The following DCAF12L1 variants were observed in gnomAD, a reference collection of about 807,000 sequenced individuals.
DCAF12L1 encodes the protein DDB1- and CUL4-associated factor 12-like protein 1.
For synonymous variants in DCAF12L1, 218 were observed against 196.4 expected (o/e 1.11, Z -0.92); for missense variants, 251 against 409.2 (o/e 0.61, Z 3.34).
At position 126,552,038 on chromosome X, in the gene DCAF12L1, G is replaced by A. The variant is rs1347639758; in HGVS notation, c.571C>T (p.His191Tyr). The change falls in exon 1 of 2, where the codon CAT (histidine) becomes TAT (tyrosine). Residue 191 changes from histidine (H) to tyrosine (Y), a missense_variant. Transcript: ENST00000371126. ...GCGAAGATCCAGTCCTTGTGGCCAT[G>A]GCGGTCGCCCAGGCACAGGGGATCC... is the stretch of plus-strand genomic sequence containing the variant. ...SLDPLCLGDR[H>Y]GHKDWIFAVA... 3 of 1,211,378 alleles carry A rather than the reference G, an allele frequency of 2.5e-6. No homozygotes were observed. In the African/African-American group the frequency reaches 5.2e-5, roughly 21 times the overall value.
rs1187938502 is a variant in DCAF12L1 at position 126,551,839 on chromosome X, A to C, written c.770T>G (p.Ile257Ser). ...CACCTTGCGGTTACTGGGGTTGATG[A>C]TGGCCCTGGGGATGGCCTCCACATC... ...PRDVEAIPRA[I>S]INPSNRKVRA... The change falls in exon 1 of 2, where the codon ATC becomes AGC. Residue 257 changes from isoleucine (I) to serine (S), a missense_variant. Coordinates refer to ENST00000371126, the MANE Select transcript of DCAF12L1 (RefSeq NM_178470.5). 3.3e-6 allele frequency: 4 copies of C among 1,211,147 alleles called. No homozygotes were observed. The highest frequency in any genetic ancestry group is 4.5e-6 in the Non-Finnish European group (4 of 895,433).
At position 126,550,389 on chromosome X, in the gene DCAF12L1, A is replaced by G. The variant is rs1234409630; in HGVS notation, c.*741T>C. 1.8e-5 allele frequency: 2 copies of G among 112,424 alleles called. No homozygotes were observed. Among genetic ancestry groups the G allele is most frequent in the Non-Finnish European group, 3.8e-5 (2 of 53,301 alleles). 9.3% of individuals were successfully genotyped at this position (112,424 alleles called of 1,213,427 possible). A position where few individuals can be genotyped will look rare whatever the true frequency, so the allele number is the denominator to read the frequency against. On this transcript the variant is annotated 3_prime_UTR_variant, in exon 2 of 2. Coordinates refer to ENST00000371126, the MANE Select transcript of DCAF12L1 (RefSeq NM_178470.5). ...ATATTCACAAGTCTTGATAGTACTA[A>G]GGCAACAAGTGAAAAAATACACATT... is the stretch of plus-strand genomic sequence containing the variant.
Position 126,552,193 on chromosome X carries a change from C to G in DCAF12L1, c.416G>C (p.Ser139Thr), listed in dbSNP as rs1157813105. The change falls in exon 1 of 2, where the codon AGT (serine) becomes ACT (threonine). Residue 139 changes from serine (S) to threonine (T), a missense_variant. Physicochemically the swap from Ser to Thr is moderately conservative, Grantham distance 58. Transcript: ENST00000371126. ...TTGGTCCTGGGCCAGCCTGGCCTCA[C>G]TGTCCCGCAAGAGGGGAATGCGCGC... is the stretch of plus-strand genomic sequence containing the variant. ...HIARIPLLRD[S>T]EARLAQDQQG... The G allele has an allele frequency of 2.5e-6, 3 of 1,211,683 alleles. No homozygotes were observed. The African/African-American group carries it at 5.2e-5, about 21-fold the overall frequency.
rs1332686569 is a variant in DCAF12L1, at chrX:126,550,031, A to C, written c.*1099T>G. On this transcript the variant is annotated 3_prime_UTR_variant, in exon 2 of 2. Coordinates refer to ENST00000371126, the MANE Select transcript of DCAF12L1 (RefSeq NM_178470.5). ...GCATACTATTACATTGAGAGTTATA[A>C]CACCACTACTTTTTAACAACACGTT... 5 of 112,529 alleles carry C rather than the reference A, an allele frequency of 4.4e-5. No homozygotes were observed. The highest frequency in any genetic ancestry group is 6.5e-5 in the African/African-American group (2 of 30,966). The allele number at this position is 112,529 out of a possible 1,213,427, so 9.3% of individuals were successfully genotyped here. A position where few individuals can be genotyped will look rare whatever the true frequency, so the allele number is the denominator to read the frequency against.
In DCAF12L1 at chrX:126,552,762, G is replaced by A. The variant is rs1927491189; in HGVS notation, c.-154C>T. 52 of 917,713 alleles carry A rather than the reference G, an allele frequency of 5.7e-5. No individual in the cohort carries two copies. The highest frequency in any genetic ancestry group is 7.5e-5 in the Non-Finnish European group (52 of 689,543). 75.6% of individuals were successfully genotyped at this position (917,713 alleles called of 1,213,427 possible). A position where few individuals can be genotyped will look rare whatever the true frequency, so the allele number is the denominator to read the frequency against. Reference sequence around the variant, plus strand: ...GTGGCGGACCGGGTGAGGGACGCGCGGGAGAGGGCGGCGGTGGCGGTGCAG... The same window carrying A: ...GTGGCGGACCGGGTGAGGGACGCGCAGGAGAGGGCGGCGGTGGCGGTGCAG... On this transcript the variant is annotated 5_prime_UTR_variant, in exon 1 of 2. Coordinates refer to ENST00000371126, the MANE Select transcript of DCAF12L1 (RefSeq NM_178470.5).
Position 126,549,656 on chromosome X carries a change from G to C in DCAF12L1, c.*1474C>G, listed in dbSNP as rs1441416508. ...GGTTAGAAACAAAAGCTTACTTTTT[G>C]GTATTTCTTAAATGACTTTTAGTAC... On this transcript the variant is annotated 3_prime_UTR_variant, in exon 2 of 2. Transcript: ENST00000371126. 8.9e-6 allele frequency: 1 copy of C among 111,778 alleles called. No individual in the cohort carries two copies. Among genetic ancestry groups the C allele is most frequent in the Non-Finnish European group, 1.9e-5 (1 of 53,126 alleles). 9.2% of individuals were successfully genotyped at this position (111,778 alleles called of 1,213,427 possible). A position where few individuals can be genotyped will look rare whatever the true frequency, so the allele number is the denominator to read the frequency against.
Position 126,552,485 on chromosome X carries a change from G to C in DCAF12L1, c.124C>G (p.Gln42Glu). Residue 42 changes from glutamine to glutamate, a missense_variant, in exon 1 of 2, where the codon CAG (glutamine) becomes GAG (glutamate). Coordinates refer to ENST00000371126, the MANE Select transcript of DCAF12L1 (RefSeq NM_178470.5). ...DGEGPLLLKR[Q>E]RRPATYRSMA... ...GAGCGATACGTCGCCGGCCGCCTCT[G>C]CCTCTTGAGTAGCAGCGGCCCCTCA... 8.3e-7 allele frequency: 1 copy of C among 1,210,589 alleles called. No homozygotes were observed. Among genetic ancestry groups the C allele is most frequent in the Non-Finnish European group, 1.1e-6 (1 of 895,390 alleles).
rs1927489566 is a variant in DCAF12L1, at chrX:126,552,692, G to A, written c.-84C>T. 8.8e-7 allele frequency: 1 copy of A among 1,137,969 alleles called. No homozygotes were observed. Among genetic ancestry groups the A allele is most frequent in the Non-Finnish European group, 1.2e-6 (1 of 862,502 alleles). The allele number at this position is 1,137,969 out of a possible 1,213,427, so 93.8% of individuals were successfully genotyped here. A position where few individuals can be genotyped will look rare whatever the true frequency, so the allele number is the denominator to read the frequency against. On this transcript the variant is annotated 5_prime_UTR_variant, in exon 1 of 2. Coordinates refer to ENST00000371126, the MANE Select transcript of DCAF12L1 (RefSeq NM_178470.5). The stretch of plus-strand genomic sequence containing the variant: ...CCGGAGTCGGTCGTGGCGGCGGCGT[G>A]GATGGCTGCGCTGGAACCGAGCCTT...
chrX:126,549,879 T>C lies in DCAF12L1; in HGVS notation c.*1251A>G, dbSNP rs1316164424. On this transcript the variant is annotated 3_prime_UTR_variant, in exon 2 of 2. Transcript: ENST00000371126. ...TCCAGTAGTCTCACATATGGAGAAG[T>C]ACAACCTGTTTTCATAGCAGTCCAC... is the stretch of plus-strand genomic sequence containing the variant. 8.9e-6 allele frequency: 1 copy of C among 112,069 alleles called. No homozygotes were observed. Among genetic ancestry groups the C allele is most frequent in the Admixed American group, 9.5e-5 (1 of 10,556 alleles). The allele number at this position is 112,069 out of a possible 1,213,427, so 9.2% of individuals were successfully genotyped here. A position where few individuals can be genotyped will look rare whatever the true frequency, so the allele number is the denominator to read the frequency against.
Position 126,552,221 on chromosome X carries a change from T to C in DCAF12L1, c.388A>G (p.Ile130Val). The C allele has an allele frequency of 8.2e-7, 1 of 1,212,626 alleles. No individual in the cohort carries two copies. The highest frequency in any genetic ancestry group is 1.1e-6 in the Non-Finnish European group (1 of 895,677). The change falls in exon 1 of 2, where the codon ATC (isoleucine) becomes GTC (valine). Residue 130 changes from isoleucine to valine, a missense_variant. Coordinates refer to ENST00000371126, the MANE Select transcript of DCAF12L1 (RefSeq NM_178470.5). ...LFVVDVESGH[I>V]ARIPLLRDSE... is the part of the protein sequence containing the mutation. ...TCCCGCAAGAGGGGAATGCGCGCGATGTGGCCTGACTCCACGTCCACCACG... is the reference window on the plus strand; with the variant it reads ...TCCCGCAAGAGGGGAATGCGCGCGACGTGGCCTGACTCCACGTCCACCACG...
In DCAF12L1 at chrX:126,551,046, G is replaced by T; in HGVS notation, c.*84C>A. On this transcript the variant is annotated 3_prime_UTR_variant, in exon 2 of 2. Coordinates refer to ENST00000371126, the MANE Select transcript of DCAF12L1 (RefSeq NM_178470.5). ...AAAGTCTTAAAGCCAAGTTTTCATT[G>T]ACCAAAGGACCACTCACTCTCTCTG... 1.9e-6 allele frequency: 1 copy of T among 517,892 alleles called. No homozygotes were observed. The highest frequency in any genetic ancestry group is 2.9e-6 in the Non-Finnish European group (1 of 347,042). 42.7% of individuals were successfully genotyped at this position (517,892 alleles called of 1,213,427 possible).
In DCAF12L1 at chrX:126,551,420, G is replaced by A. The variant is rs1927457934; in HGVS notation, c.1189C>T (p.Pro397Ser). The A allele has an allele frequency of 1.7e-6, 2 of 1,210,231 alleles. No homozygotes were observed. Among genetic ancestry groups the A allele is most frequent in the African/African-American group, 3.5e-5 (2 of 57,266 alleles). ...GCAAGCCTGAGCTTCCTCCTTGCAG[G>A]TCCCGAAGAGGACTCCAGGGTGGCG... is the stretch of plus-strand genomic sequence containing the variant. ...ASATLESSSG[P>S]ARRKLRLACG... Residue 397 changes from proline (P) to serine (S), a missense_variant, in exon 1 of 2, where the codon CCT (proline) becomes TCT (serine). Coordinates refer to ENST00000371126, the MANE Select transcript of DCAF12L1 (RefSeq NM_178470.5).
At position 126,551,729 on chromosome X, in the gene DCAF12L1, C is replaced by T. The variant is rs142719442; in HGVS notation, c.880G>A (p.Ala294Thr). ...CTGATGGACAGCAGCCTGGATAGTG[C>T]GCTCCCGGCTTTCCACAGGTGGAAG... The part of the protein sequence containing the change: ...GYFHLWKAGS[A>T]LSRLLSIRLP... Residue 294 changes from alanine to threonine, a missense_variant, in exon 1 of 2, where the codon GCA becomes ACA. Ala to Thr is a moderately conservative substitution (Grantham distance 58, BLOSUM62 0). Coordinates refer to ENST00000371126, the MANE Select transcript of DCAF12L1 (RefSeq NM_178470.5). 32 of 1,210,861 alleles carry T rather than the reference C, an allele frequency of 2.6e-5. No homozygotes were observed. In the African/African-American group the frequency reaches 4.3e-4, roughly 16 times the overall value.
rs773188691 is a variant in DCAF12L1, at chrX:126,551,218, T to C, written c.1391A>G (p.Ter464=). Residue 464 remains the stop codon, a stop_retained_variant, in exon 1 of 2, where the codon TAA becomes TGA. Transcript: ENST00000371126. ...LHGNYAGLWS[*] ...ACCTGGAGTACAAGGCGGTCATCCT[T>C]AGCTCCAGAGGCCTGCATAGTTCCC... The C allele has an allele frequency of 1.7e-6, 2 of 1,201,044 alleles. No homozygotes were observed. The highest frequency in any genetic ancestry group is 1.8e-5 in the African/African-American group (1 of 56,748).
At position 126,552,460 on chromosome X, in the gene DCAF12L1, G is replaced by C. The variant is rs1927482829; in HGVS notation, c.149C>G (p.Ser50Trp). The C allele has an allele frequency of 1.7e-5, 20 of 1,210,656 alleles. No homozygotes were observed. The highest frequency in any genetic ancestry group is 6.9e-5 in the African/African-American group (4 of 57,899). The change falls in exon 1 of 2, where the codon TCG becomes TGG. Residue 50 changes from serine to tryptophan, a missense_variant. By Grantham distance (177) the Ser-to-Trp change is radical (BLOSUM62 -3). Transcript: ENST00000371126. ...KRQRRPATYR[S>W]MAHYLKVREV... Reference sequence around the variant, plus strand: ...CCGAACCTTCAGATAGTGCGCCATCGAGCGATACGTCGCCGGCCGCCTCTG... The same window carrying C: ...CCGAACCTTCAGATAGTGCGCCATCCAGCGATACGTCGCCGGCCGCCTCTG...
chrX:126,549,884 C>A lies in DCAF12L1; in HGVS notation c.*1246G>T, dbSNP rs922663280. ...TAGTCTCACATATGGAGAAGTACAA[C>A]CTGTTTTCATAGCAGTCCACAATTT... On this transcript the variant is annotated 3_prime_UTR_variant, in exon 2 of 2. Transcript: ENST00000371126. 13 of 112,110 alleles carry A rather than the reference C, an allele frequency of 1.2e-4. No individual in the cohort carries two copies. The highest frequency in any genetic ancestry group is 4.2e-4 in the African/African-American group (13 of 30,862). The allele number at this position is 112,110 out of a possible 1,213,427, so 9.2% of individuals were successfully genotyped here. A position where few individuals can be genotyped will look rare whatever the true frequency, so the allele number is the denominator to read the frequency against.
upstream of DCAF12L1, chrX:126,552,814 TG>T: frequency 1.6e-6 from 1 of 621,695 alleles, no homozygotes; most frequent in Non-Finnish European, 2.3e-6. Flanking sequence ...GAAGTGCGTC[TG>T]GCCGGGCAGT....
Position 126,549,611 on chromosome X carries a change from AT to A in DCAF12L1, c.*1518del, listed in dbSNP as rs1927430262. The A allele has an allele frequency of 8.9e-6, 1 of 112,143 alleles. No individual in the cohort carries two copies. The highest frequency in any genetic ancestry group is 3.2e-5 in the African/African-American group (1 of 30,864). The allele number at this position is 112,143 out of a possible 1,213,427, so 9.2% of individuals were successfully genotyped here. A position where few individuals can be genotyped will look rare whatever the true frequency, so the allele number is the denominator to read the frequency against. ...ATCTTACTGCTATATAACAACAATT[AT>A]ATTAGCCTTTATAACAATGGTTAGA... On this transcript the variant is annotated 3_prime_UTR_variant, in exon 2 of 2. Coordinates refer to ENST00000371126, the MANE Select transcript of DCAF12L1 (RefSeq NM_178470.5).
chrX:126,552,802 G>T lies in DCAF12L1; in HGVS notation c.-194C>A. 1.5e-6 allele frequency: 1 copy of T among 681,996 alleles called. No homozygotes were observed. Among genetic ancestry groups the T allele is most frequent in the Non-Finnish European group, 2.1e-6 (1 of 484,235 alleles). 56.2% of individuals were successfully genotyped at this position (681,996 alleles called of 1,213,427 possible). A position where few individuals can be genotyped will look rare whatever the true frequency, so the allele number is the denominator to read the frequency against. On this transcript the variant is annotated 5_prime_UTR_variant, in exon 1 of 2. Coordinates refer to ENST00000371126, the MANE Select transcript of DCAF12L1 (RefSeq NM_178470.5). The stretch of plus-strand genomic sequence containing the variant: ...TGGCGGTGCAGACCTAGGCGAAGGC[G>T]GGAAGTGCGTCTGGCCGGGCAGTGA...
Sources: allele counts gnomAD v4.1 joint callset, GRCh38; gene constraint gnomAD v4.1.1; transcripts MANE v1.5; gene names NCBI Gene and HGNC (gene_info 2026-07-23, HGNC 2026-07-21).